The following MTUS2 variants were observed in gnomAD, a reference collection of about 807,000 sequenced individuals.
The protein encoded by MTUS2 is microtubule associated scaffold protein 2.
Under a neutral mutation model 114.1 loss-of-function variants are expected in MTUS2, and 40 were observed. The observed-to-expected ratio is 0.35, with a 90% CI of 0.27 to 0.46. The LOEUF (loss-of-function observed/expected upper bound fraction) is 0.46. MTUS2 is among the 20% of genes least tolerant of loss of function. MTUS2 has a pLI of 1.00. For missense variants in MTUS2, 1,679 were observed against 1,705.4 expected (o/e 0.98, Z 0.27); for synonymous variants, 688 against 672.0 (o/e 1.02, Z -0.37).
intron 2 of MTUS2, among the ~76,000 whole-genome samples, chr13:28,969,083 C>T (rs1390090020): frequency 6.6e-6 from 1 of 152,008 alleles, no homozygotes; most frequent in Non-Finnish European, 1.5e-5. Context: ...GCTCTGTTGG[C>T]CAGGTTAGAG....
chr13:29,186,940 G>A (rs1387861146), intron 5 of MTUS2, among the ~76,000 whole-genome samples: 1 of 151,888 alleles, frequency 6.6e-6, no homozygotes, highest in Non-Finnish European at 1.5e-5. Context: ...AATAAAATTA[G>A]GAATCAATAA....
intron 1 of MTUS2, among the ~76,000 whole-genome samples, chr13:28,830,789 C>T (rs897622377): frequency 1.3e-5 from 2 of 152,028 alleles, no homozygotes; most frequent in Non-Finnish European, 2.9e-5. Flanking sequence ...AGTGAGTAAT[C>T]ATGTACAGAG....
intron 5 of MTUS2, among the ~76,000 whole-genome samples, chr13:29,172,097 GA>G (rs1893587596): frequency 6.6e-6 from 1 of 152,192 alleles, no homozygotes; most frequent in South Asian, 2.1e-4. Context: ...GTGAAGCTTG[GA>G]GAGAAAAGGT....
At chr13:28,975,505 C>T (rs1277686750) in intron 2 of MTUS2, among the ~76,000 whole-genome samples, 1 of 121,558 alleles carries the variant, frequency 8.2e-6, no homozygotes, top group Admixed American at 8.3e-5. Context: ...CATCGCCCTC[C>T]CCTGCAGCCC....
At chr13:29,394,103 A>G (rs1873720991) in intron 8 of MTUS2, among the ~76,000 whole-genome samples, 1 of 152,170 alleles carries the variant, frequency 6.6e-6, no homozygotes, top group African/African-American at 2.4e-5. Flanking sequence ...CACAGGGTTG[A>G]TACTACAGTG....
intron 5 of MTUS2, among the ~76,000 whole-genome samples, chr13:29,116,101 A>G (rs1891075774): frequency 6.6e-6 from 1 of 152,206 alleles, no homozygotes; most frequent in African/African-American, 2.4e-5. Context: ...GCTTCCATAA[A>G]TCTGCTTCCA....
chr13:29,286,901 G>T (rs983612874), intron 6 of MTUS2, among the ~76,000 whole-genome samples: 1 of 152,156 alleles, frequency 6.6e-6, no homozygotes, highest in Non-Finnish European at 1.5e-5. Flanking sequence ...ATGTTAGCTA[G>T]GCTGGTCTCG....
chr13:29,231,527 A>C (rs913327856), intron 5 of MTUS2, among the ~76,000 whole-genome samples: 6 of 152,224 alleles, frequency 3.9e-5, no homozygotes, highest in African/African-American at 1.2e-4. Flanking sequence ...CAATACCCTG[A>C]ACAACAGTGT....
At chr13:29,376,834 C>G (rs1222398010) in intron 8 of MTUS2, among the ~76,000 whole-genome samples, 1 of 152,104 alleles carries the variant, frequency 6.6e-6, no homozygotes, top group Non-Finnish European at 1.5e-5. Context: ...GTATGTGTGG[C>G]AATAATGACT....
chr13:29,481,213 C>A (rs1267898809), intron 10 of MTUS2, among the ~76,000 whole-genome samples: 3 of 152,212 alleles, frequency 2.0e-5, no homozygotes, highest in African/African-American at 7.2e-5. Context: ...GAGGAAAATG[C>A]ATCCATGGAC....
At chr13:29,189,251 A>T (rs945708550) in intron 5 of MTUS2, among the ~76,000 whole-genome samples, 2 of 152,272 alleles carry the variant, frequency 1.3e-5, no homozygotes, top group African/African-American at 4.8e-5. Flanking sequence ...AGGTTCAGGA[A>T]TTCACACTTG....
In MTUS2 at chr13:28,962,370, A is replaced by G. The variant is rs553843463; in HGVS notation, c.-242-62087A>G. Reference sequence around the variant, plus strand: ...TAAATTTCTGGAATATTGGTTTTAGAAAGTTCTTACTTTTTTTAATAATAA... The same window carrying G: ...TAAATTTCTGGAATATTGGTTTTAGGAAGTTCTTACTTTTTTTAATAATAA... On this transcript the variant is annotated intron_variant, in intron 2 of 15. Transcript: ENST00000612955. Among the ~76,000 whole-genome samples, 3 of 152,236 alleles carry G rather than the reference A, an allele frequency of 2.0e-5. No homozygotes were observed. In the East Asian group the frequency reaches 5.8e-4, roughly 29 times the overall value.
At chr13:29,162,435 G>C (rs897386506) in intron 5 of MTUS2, among the ~76,000 whole-genome samples, 1 of 151,914 alleles carries the variant, frequency 6.6e-6, no homozygotes, top group African/African-American at 2.4e-5. Flanking sequence ...CTGATGCTTT[G>C]TCTAGCAAAG....
intron 8 of MTUS2, among the ~76,000 whole-genome samples, chr13:29,417,638 T>C (rs1466195243): frequency 6.6e-6 from 1 of 152,168 alleles, no homozygotes; most frequent in African/African-American, 2.4e-5. Flanking sequence ...TTTTCTTTCA[T>C]TGCTTTCCTA....
chr13:29,005,868 G>A (rs1169949822), intron 2 of MTUS2, among the ~76,000 whole-genome samples: 1 of 152,188 alleles, frequency 6.6e-6, no homozygotes, highest in Non-Finnish European at 1.5e-5. Context: ...ATGCTCCATG[G>A]ATGTAATGTT....
At chr13:29,193,879 C>A (rs2139204801) in intron 5 of MTUS2, among the ~76,000 whole-genome samples, 1 of 152,312 alleles carries the variant, frequency 6.6e-6, no homozygotes, top group Non-Finnish European at 1.5e-5. Context: ...CAGCATGGTA[C>A]TGGTACAAAA....
chr13:29,012,321 G>T (rs1042777890), intron 2 of MTUS2, among the ~76,000 whole-genome samples: 1 of 152,094 alleles, frequency 6.6e-6, no homozygotes, highest in African/African-American at 2.4e-5. Context: ...CCGGGAATCA[G>T]CTGCCCTCCC....
intron 7 of MTUS2, among the ~76,000 whole-genome samples, chr13:29,351,638 C>G (rs891402120): frequency 2.0e-5 from 3 of 151,984 alleles, no homozygotes; most frequent in African/African-American, 4.8e-5. Flanking sequence ...GGGTCTCCCT[C>G]TGTCACCCAG....
At chr13:29,235,127 G>A (rs976507559) in intron 5 of MTUS2, among the ~76,000 whole-genome samples, 42 of 151,578 alleles carry the variant, frequency 2.8e-4, no homozygotes, top group African/African-American at 9.7e-4. Flanking sequence ...ACCTGGTTTT[G>A]CTCTTGTTGC....
Sources: gnomAD v4.1 joint callset for allele counts (sites outside exome capture counted in the v4.1 genomes callset) on GRCh38, gnomAD v4.1.1 for gene constraint, MANE v1.5 for transcripts, NCBI Gene and HGNC (gene_info 2026-07-23, HGNC 2026-07-21) for gene names.